Variants in RERE observed in about 807,000 individuals in gnomAD.
RERE encodes the protein arginine-glutamic acid dipeptide repeats protein.
Under a neutral mutation model 146.1 loss-of-function variants are expected in RERE, and 40 were observed. The observed-to-expected ratio is 0.27, with a 90% CI of 0.21 to 0.36. RERE has a LOEUF of 0.36. Among genes scored for constraint, RERE ranks in the 10% least tolerant of loss-of-function variants. The probability of loss-of-function intolerance (pLI) is 1.00; values close to 1 mark genes in which losing one functional copy is unlikely to be tolerated. For synonymous variants in RERE, 1,003 were observed against 866.0 expected (o/e 1.16, Z -2.78); for missense variants, 1,933 against 2,138.7 (o/e 0.90, Z 1.90).
At position 8,436,851 on chromosome 1, in the gene RERE, C is replaced by G. The variant is rs561022800; in HGVS notation, c.1204-14044G>C. On this transcript the variant is annotated intron_variant, in intron 11 of 22. Transcript: ENST00000400908. The stretch of plus-strand genomic sequence containing the variant: ...AAATCAGTGTGTATTTTACACTGAC[C>G]GTGCATCTACACTTGGGCCAGCACA... 3.3e-5 allele frequency among the ~76,000 whole-genome samples: 5 copies of G among 152,072 alleles called. 1 individual carries two copies. The South Asian group carries it at 8.3e-4, about 25-fold the overall frequency.
chr1:8,611,945 T>C (rs1397242474), intron 4 of RERE, among the ~76,000 whole-genome samples: 1 of 152,164 alleles, frequency 6.6e-6, no homozygotes, highest in African/African-American at 2.4e-5. Context: ...CTGAACACAG[T>C]ACTTTTTACT....
intron 1 of RERE, among the ~76,000 whole-genome samples, chr1:8,744,199 C>T (rs1640373770): frequency 6.6e-6 from 1 of 152,182 alleles, no homozygotes; most frequent in Non-Finnish European, 1.5e-5. Flanking sequence ...GTTATTCCAA[C>T]TACACCCAAA....
At chr1:8,495,643 G>A (rs753193404) in intron 9 of RERE, among the ~76,000 whole-genome samples, 1 of 152,098 alleles carries the variant, frequency 6.6e-6, no homozygotes, top group African/African-American at 2.4e-5. Flanking sequence ...CTTCACTCAC[G>A]CAGAAAGACA....
rs1014415749 is a variant in RERE, at chr1:8,676,394, T to C, written c.-144-19953A>G. On this transcript the variant is annotated intron_variant, in intron 1 of 22. Coordinates refer to ENST00000400908, the MANE Select transcript of RERE (RefSeq NM_001042681.2). ...GAGACTCAGCTCACATGAAGAACCA[T>C]GTAAAGAATGATTCTGTCACAAAAC... Among the ~76,000 whole-genome samples, 6 of 152,092 alleles carry C rather than the reference T, an allele frequency of 3.9e-5. No individual in the cohort carries two copies. In the Middle Eastern group the frequency reaches 0.017, roughly 431 times the overall value.
chr1:8,650,015 G>A (rs1647531623), intron 2 of RERE, among the ~76,000 whole-genome samples: 1 of 152,158 alleles, frequency 6.6e-6, no homozygotes, highest in Non-Finnish European at 1.5e-5. Flanking sequence ...AGAATTAAGT[G>A]TGTTACCGAG....
At chr1:8,700,449 A>G (rs757046819) in intron 1 of RERE, among the ~76,000 whole-genome samples, 6 of 152,156 alleles carry the variant, frequency 3.9e-5, no homozygotes, top group Non-Finnish European at 8.8e-5. Context: ...CAGCCTGAAA[A>G]GCCTGAAAAG....
At chr1:8,398,337 C>A (rs544051519) in intron 12 of RERE, among the ~76,000 whole-genome samples, 13 of 152,224 alleles carry the variant, frequency 8.5e-5, no homozygotes, top group Non-Finnish European at 1.9e-4. Context: ...GGGGTTAGTA[C>A]TGAGTGTGGC....
intron 12 of RERE, among the ~76,000 whole-genome samples, chr1:8,419,162 T>C (rs1272901520): frequency 6.6e-6 from 1 of 152,186 alleles, no homozygotes; most frequent in Non-Finnish European, 1.5e-5. Flanking sequence ...TATAATAAAC[T>C]ACAGGATATT....
chr1:8,475,011 TTTAA>T (rs1433550052), intron 10 of RERE, among the ~76,000 whole-genome samples: 2 of 152,200 alleles, frequency 1.3e-5, no homozygotes, highest in East Asian at 1.9e-4. Context: ...TTCATATAGT[TTTAA>T]TTAATTATTT....
In RERE at chr1:8,662,770, G is replaced by A. The variant is rs191028561; in HGVS notation, c.-144-6329C>T. Among the ~76,000 whole-genome samples the A allele has an allele frequency of 4.6e-5, 7 of 152,276 alleles. 1 individual carries two copies. In the East Asian group the frequency reaches 1.4e-3, roughly 29 times the overall value. ...AGGAAGGGGCCCAGGACAGAACTGG[G>A]GATACTGGACTGAGAAGCCAAGATC... On this transcript the variant is annotated intron_variant, in intron 1 of 22. Transcript: ENST00000400908.
At chr1:8,450,050 C>A (rs1342416320) in intron 11 of RERE, among the ~76,000 whole-genome samples, 1 of 152,066 alleles carries the variant, frequency 6.6e-6, no homozygotes, top group East Asian at 1.9e-4. Context: ...TGTCTGTGGT[C>A]CCTATTAGAA....
chr1:8,531,083 ATCTGTCC>A (rs1229419033), intron 7 of RERE, among the ~76,000 whole-genome samples: 1 of 151,052 alleles, frequency 6.6e-6, no homozygotes, highest in Non-Finnish European at 1.5e-5. Flanking sequence ...CTTTCTATCT[ATCTGTCC>A]ATCTTTCTAT....
intron 1 of RERE, among the ~76,000 whole-genome samples, chr1:8,708,904 A>ATTTT (rs1639609527): frequency 9.6e-6 from 1 of 104,010 alleles, no homozygotes; most frequent in African/African-American, 3.9e-5. Flanking sequence ...AAAACTCTGG[A>ATTTT]GTTTTTTTTT....
At chr1:8,622,496 A>AC (rs1449241017) in intron 3 of RERE, among the ~76,000 whole-genome samples, 4 of 131,938 alleles carry the variant, frequency 3.0e-5, no homozygotes, top group South Asian at 2.4e-4. Flanking sequence ...TAAAAAAAAA[A>AC]AAAAAAAAAA....
At chr1:8,448,414 A>AGATGAAGAGTTATCTGAAAAAAG (rs1553168021) in intron 11 of RERE, among the ~76,000 whole-genome samples, 1 of 152,128 alleles carries the variant, frequency 6.6e-6, no homozygotes, top group African/African-American at 2.4e-5. Context: ...TTCCACAGAT[A>AGATGAAGAGTTATCTGAAAAAAG]GATGAAGAGT....
At chr1:8,479,724 C>G (rs1644805866) in intron 10 of RERE, among the ~76,000 whole-genome samples, 4 of 152,204 alleles carry the variant, frequency 2.6e-5, no homozygotes, top group Admixed American at 1.3e-4. Flanking sequence ...ACCCCACTGA[C>G]AACTTGATGT....
At chr1:8,701,509 T>G (rs1187075774) in intron 1 of RERE, among the ~76,000 whole-genome samples, 1 of 152,184 alleles carries the variant, frequency 6.6e-6, no homozygotes, top group Non-Finnish European at 1.5e-5. Flanking sequence ...AAACGGCCTT[T>G]TTCTGGAAAT....
At chr1:8,448,324 C>T (rs1473348131) in intron 11 of RERE, among the ~76,000 whole-genome samples, 4 of 152,166 alleles carry the variant, frequency 2.6e-5, no homozygotes, top group Admixed American at 2.6e-4. Context: ...GGCACAGACT[C>T]AACCAGAAAG....
chr1:8,650,988 T>G (rs142496106), intron 2 of RERE, among the ~76,000 whole-genome samples: 2,302 of 152,056 alleles, frequency 0.015, 61 homozygotes, highest in African/African-American at 0.053. Flanking sequence ...TCCCAGCTAC[T>G]CAGGAGGCTG....
Sources: allele counts gnomAD v4.1 joint callset (sites outside exome capture counted in the v4.1 genomes callset), GRCh38; gene constraint gnomAD v4.1.1; transcripts MANE v1.5; gene names NCBI Gene and HGNC (gene_info 2026-07-23, HGNC 2026-07-21).